CALN1: variants seen among roughly 807,000 people sequenced by gnomAD.
CALN1 encodes the protein calcium-binding protein 8.
A neutral mutation model predicts 30.6 loss-of-function variants in CALN1; 17 were observed. That is an observed-to-expected ratio of 0.56 (90% confidence interval 0.38 to 0.83). CALN1 has a LOEUF of 0.83. CALN1 is among the 40% of genes least tolerant of loss of function. The pLI is 0.00. For missense variants in CALN1, 291 were observed against 354.9 expected (o/e 0.82, Z 1.45); for synonymous variants, 156 against 131.4 (o/e 1.19, Z -1.28).
At position 72,102,942 on chromosome 7, in the gene CALN1, G is replaced by T. The variant is rs190973075; in HGVS notation, c.388+3209C>A. On this transcript the variant is annotated intron_variant, in intron 4 of 6. Coordinates refer to ENST00000395275, the MANE Select transcript of CALN1 (RefSeq NM_031468.4). ...ATGAAAATTAGCTGGGCATGGTGGT[G>T]GGCACCTGTAGGCCCAGCTACTTGG... is the stretch of plus-strand genomic sequence containing the variant. 2.5e-4 allele frequency among the ~76,000 whole-genome samples: 38 copies of T among 152,050 alleles called. 3 individuals are homozygous for T. In the East Asian group the frequency reaches 7.4e-3, roughly 30 times the overall value.
At chr7:72,121,201 A>G (rs1584984746) in intron 3 of CALN1, among the ~76,000 whole-genome samples, 1 of 144,310 alleles carries the variant, frequency 6.9e-6, no homozygotes, top group East Asian at 2.0e-4. Context: ...TATATTATAT[A>G]TAATTCCATA....
intron 5 of CALN1, among the ~76,000 whole-genome samples, chr7:71,936,476 C>A (rs1554388371): frequency 6.6e-6 from 1 of 151,242 alleles, no homozygotes; most frequent in Non-Finnish European, 1.5e-5. Flanking sequence ...GCTGGAAGGG[C>A]CACTGATGAT....
chr7:72,266,450 G>C (rs1398499418), intron 3 of CALN1, among the ~76,000 whole-genome samples: 1 of 152,172 alleles, frequency 6.6e-6, no homozygotes, highest in African/African-American at 2.4e-5. Context: ...CAGGTAACTG[G>C]TGTTTAACTT....
chr7:72,117,606 G>T (rs1808077464), intron 3 of CALN1, among the ~76,000 whole-genome samples: 1 of 151,996 alleles, frequency 6.6e-6, no homozygotes, highest in African/African-American at 2.4e-5. Flanking sequence ...CCCAAACTGG[G>T]GTCTGTTCAG....
At chr7:72,489,399 T>C in the CALN1 span, among the ~76,000 whole-genome samples, 4 of 152,334 alleles carry the variant, frequency 2.6e-5, no homozygotes, top group Admixed American at 2.6e-4. Context: ...ATCTTTCACT[T>C]ACACTTTCTT....
At chr7:71,798,873 C>T (rs916288848) in intron 6 of CALN1, among the ~76,000 whole-genome samples, 2 of 152,128 alleles carry the variant, frequency 1.3e-5, no homozygotes, top group Non-Finnish European at 2.9e-5. Flanking sequence ...ATCCACCTGC[C>T]TTGGCCTCCC....
At chr7:72,370,380 T>C (rs1286082381) in intron 2 of CALN1, among the ~76,000 whole-genome samples, 2 of 152,204 alleles carry the variant, frequency 1.3e-5, no homozygotes, top group Non-Finnish European at 1.5e-5. Flanking sequence ...ATGCTTTAGA[T>C]ATAAGTCCTT....
At chr7:72,294,798 G>C (rs1180954840) in intron 2 of CALN1, among the ~76,000 whole-genome samples, 2 of 141,812 alleles carry the variant, frequency 1.4e-5, no homozygotes, top group East Asian at 2.3e-4. Context: ...TTTTAAAAAT[G>C]GTTGAAGTCT....
Position 72,136,388 on chromosome 7 carries a change from C to T in CALN1, c.245-30094G>A, listed in dbSNP as rs1360604140. 2.0e-5 allele frequency among the ~76,000 whole-genome samples: 3 copies of T among 152,008 alleles called. 1 individual carries two copies. Among genetic ancestry groups the T allele is most frequent in the South Asian group, 4.1e-4 (2 of 4,834 alleles). ...TTTTCTGCAGCTTCCTTTCCTCTCTCAGCCTTCATAGAATTGAAAAGAGTT... is the reference window on the plus strand; with the variant it reads ...TTTTCTGCAGCTTCCTTTCCTCTCTTAGCCTTCATAGAATTGAAAAGAGTT... On this transcript the variant is annotated intron_variant, in intron 3 of 6. Transcript: ENST00000395275.
chr7:72,303,869 G>A (rs1300591142), intron 2 of CALN1, among the ~76,000 whole-genome samples: 1 of 152,124 alleles, frequency 6.6e-6, no homozygotes, highest in Non-Finnish European at 1.5e-5. Flanking sequence ...GCAAGACTCT[G>A]TCTCGAGAAA....
chr7:72,499,891 TTCTTTCTTTCTTTCTTTCTTTCTA>T, the CALN1 span, among the ~76,000 whole-genome samples: 2,200 of 55,728 alleles, frequency 0.039, 424 homozygotes, highest in East Asian at 0.082. Flanking sequence ...CTTTCTTTCT[TTCTTTCTTTCTTTCTTTCTTTCTA>T]TCTTTCTCTT....
chr7:72,290,689 A>T (rs1442945551), intron 2 of CALN1, among the ~76,000 whole-genome samples: 1 of 152,076 alleles, frequency 6.6e-6, no homozygotes, highest in Non-Finnish European at 1.5e-5. Flanking sequence ...AATTGTTCAC[A>T]TTTTTACCTC....
intron 3 of CALN1, among the ~76,000 whole-genome samples, chr7:72,162,779 A>G (rs971012195): frequency 1.3e-5 from 2 of 152,218 alleles, no homozygotes; most frequent in Non-Finnish European, 1.5e-5. Context: ...ATACATGTTT[A>G]TATGGCTTTT....
At chr7:72,200,838 G>C (rs1791368328) in intron 3 of CALN1, among the ~76,000 whole-genome samples, 4 of 152,212 alleles carry the variant, frequency 2.6e-5, no homozygotes. Context: ...CACTGGGCTT[G>C]TGAATTTGTT....
chr7:72,354,116 G>T (rs374729351), intron 2 of CALN1, among the ~76,000 whole-genome samples: 101 of 152,292 alleles, frequency 6.6e-4, no homozygotes, highest in African/African-American at 2.3e-3. Flanking sequence ...GAACCCAAGA[G>T]GGGGAGGTTG....
intron 4 of CALN1, among the ~76,000 whole-genome samples, chr7:72,097,904 G>A (rs182933636): frequency 5.9e-5 from 9 of 152,094 alleles, no homozygotes; most frequent in Middle Eastern, 3.4e-3. Context: ...ATTAGAGATG[G>A]GGTTTCACCA....
intron 3 of CALN1, among the ~76,000 whole-genome samples, chr7:72,172,173 C>T (rs189621802): frequency 8.7e-4 from 132 of 152,316 alleles, no homozygotes; most frequent in Admixed American, 1.8e-3. Flanking sequence ...AAAAGTTGAA[C>T]CAAAGAGTCT....
chr7:71,955,624 CT>C (rs1223907508), intron 5 of CALN1, among the ~76,000 whole-genome samples: 2 of 152,044 alleles, frequency 1.3e-5, no homozygotes, highest in Non-Finnish European at 1.5e-5. Flanking sequence ...ACAGAACATA[CT>C]GCATTGCCTT....
intron 5 of CALN1, among the ~76,000 whole-genome samples, chr7:71,976,750 C>T (rs1339437693): frequency 6.6e-6 from 1 of 152,152 alleles, no homozygotes; most frequent in East Asian, 1.9e-4. Flanking sequence ...GGCTGAAACT[C>T]CCTCTGCTTA....
Sources: gnomAD v4.1 joint callset for allele counts (sites outside exome capture counted in the v4.1 genomes callset) on GRCh38, gnomAD v4.1.1 for gene constraint, MANE v1.5 for transcripts, NCBI Gene and HGNC (gene_info 2026-07-23, HGNC 2026-07-21) for gene names.